The following ANK1 variants were observed in gnomAD, a reference collection of about 807,000 sequenced individuals.
ANK1 encodes the protein ankyrin 1.
Under a neutral mutation model 210.4 loss-of-function variants are expected in ANK1, and 51 were observed. The observed-to-expected ratio is 0.24, with a 90% confidence interval of 0.19 to 0.31. The LOEUF (loss-of-function observed/expected upper bound fraction) is 0.31. Among genes scored for constraint, ANK1 ranks in the 10% least tolerant of loss-of-function variants. ANK1 has a pLI of 1.00. For synonymous variants in ANK1, 967 were observed against 1,025.9 expected, an observed-to-expected ratio of 0.94 and a Z score of 1.10; for missense variants, 2,051 against 2,504.4, an observed-to-expected ratio of 0.82 and a Z score of 3.86.
In ANK1 at chr8:41,672,207, T is replaced by C. The variant is rs563588688; in HGVS notation, c.5096+147A>G. On this transcript the variant is annotated intron_variant, in intron 38 of 42. Coordinates refer to ENST00000289734, the MANE Select transcript of ANK1 (RefSeq NM_000037.4). ...GGCACCTATGCTCTTATATATGGCA[T>C]CTGCCAGACTGAATGTATGTGCTCC... is the stretch of plus-strand genomic sequence containing the variant. 3.2e-5 allele frequency: 28 copies of C among 865,796 alleles called. No homozygotes were observed. In the South Asian group the frequency reaches 4.9e-4, roughly 15 times the overall value. 53.6% of individuals were successfully genotyped at this position (865,796 alleles called of 1,614,324 possible).
chr8:41,805,064 C>CTG (rs35873178), intron 1 of ANK1, among the ~76,000 whole-genome samples: 61,284 of 147,890 alleles, frequency 0.41, 12,766 homozygotes, highest in African/African-American at 0.47. Flanking sequence ...TTCTTTCTCT[C>CTG]TGTGTGTGTG....
intron 1 of ANK1, among the ~76,000 whole-genome samples, chr8:41,816,804 G>A (rs1384864248): frequency 6.6e-6 from 1 of 152,164 alleles, no homozygotes; most frequent in Admixed American, 6.5e-5. Flanking sequence ...CTCTTTTTCT[G>A]AGAGAACAAT....
At position 41,725,355 on chromosome 8, in the gene ANK1, C is replaced by T. The variant is rs900134891; in HGVS notation, c.612+406G>A. On this transcript the variant is annotated intron_variant, in intron 6 of 42. Coordinates refer to ENST00000289734, the MANE Select transcript of ANK1 (RefSeq NM_000037.4). ...ACACCGGAGAGCGTGCCCAGGTGCA[C>T]GCAGGCGTGCAAGGTCCCGGACCCC... Among the ~76,000 whole-genome samples, 14 of 152,334 alleles carry T rather than the reference C, an allele frequency of 9.2e-5. No homozygotes were observed. In the South Asian group the frequency reaches 2.5e-3, roughly 27 times the overall value.
At chr8:41,768,801 A>T (rs1586822843) in intron 1 of ANK1, among the ~76,000 whole-genome samples, 1 of 802 alleles carries the variant, frequency 1.2e-3, no homozygotes, top group Non-Finnish European at 6.2e-3. Context: ...CTGTCTCCAC[A>T]AAAAAAAAAA....
chr8:41,732,443 G>C (rs1832399397), intron 3 of ANK1, among the ~76,000 whole-genome samples: 1 of 152,126 alleles, frequency 6.6e-6, no homozygotes, highest in Non-Finnish European at 1.5e-5. Flanking sequence ...GAGGGAGTCT[G>C]TCTCTGTCAC....
intron 42 of ANK1, among the ~76,000 whole-genome samples, chr8:41,658,434 G>T (rs950073823): frequency 3.3e-5 from 5 of 152,300 alleles, no homozygotes; most frequent in Non-Finnish European, 7.4e-5. Context: ...ATTCGAAAGG[G>T]ACATTTTCAT....
At chr8:41,804,986 A>G (rs890223883) in intron 1 of ANK1, among the ~76,000 whole-genome samples, 1 of 152,016 alleles carries the variant, frequency 6.6e-6, no homozygotes, top group Non-Finnish European at 1.5e-5. Flanking sequence ...GTTGAATGGA[A>G]CTCAAACTTT....
At chr8:41,663,542 G>T in intron 40 of ANK1, 117 bp downstream of exon 40, 2 of 1,041,170 alleles carry the variant, frequency 1.9e-6, no homozygotes, top group Non-Finnish European at 3.0e-6. Context: ...GGGGCAGCCA[G>T]CCTGGCTGTG....
In ANK1 at chr8:41,727,230, C is replaced by T. The variant is rs1337436041; in HGVS notation, c.426+20G>A. The T allele has an allele frequency of 6.2e-7, 1 of 1,604,430 alleles. No homozygotes were observed. The highest frequency in any genetic ancestry group is 1.3e-5 in the African/African-American group (1 of 74,694). ...CCTGGGAGACTTCTGGTGGTGACGA[C>T]ATTTTTCCAAGGTACTTACTTCTGT... On this transcript the variant is annotated intron_variant, in intron 5 of 42. Coordinates refer to ENST00000289734, the MANE Select transcript of ANK1 (RefSeq NM_000037.4).
chr8:41,894,455 T>C (rs150960654), intron 1 of ANK1, among the ~76,000 whole-genome samples: 3 of 152,270 alleles, frequency 2.0e-5, no homozygotes, highest in Non-Finnish European at 4.4e-5. Flanking sequence ...AAAAAGAATA[T>C]TGAAATCACC....
chr8:41,756,184 C>T (rs1202649481), intron 2 of ANK1, among the ~76,000 whole-genome samples: 1 of 152,014 alleles, frequency 6.6e-6, no homozygotes, highest in Non-Finnish European at 1.5e-5. Context: ...ACTCTGTTGC[C>T]CAGGCTGGAG....
chr8:41,836,776 C>T (rs1807812109), intron 1 of ANK1, among the ~76,000 whole-genome samples: 1 of 151,996 alleles, frequency 6.6e-6, no homozygotes, highest in Non-Finnish European at 1.5e-5. Context: ...TTTAATTAGC[C>T]AGGCATAGTG....
In ANK1 at chr8:41,835,498, G is replaced by A. The variant is rs190267419; in HGVS notation, c.126+60857C>T. On this transcript the variant is annotated intron_variant, in intron 1 of 42. Transcript: ENST00000265709. ...TTAAATTAAAAAAAAAAGCTAGCAG[G>A]CGTATATTCTGCAAAGACCTTCGGG... Among the ~76,000 whole-genome samples the A allele has an allele frequency of 6.6e-5, 10 of 152,122 alleles. No individual in the cohort carries two copies. In the East Asian group the frequency reaches 1.7e-3, roughly 26 times the overall value.
At chr8:41,795,928 C>T (rs1033218744) in intron 1 of ANK1, among the ~76,000 whole-genome samples, 6 of 152,228 alleles carry the variant, frequency 3.9e-5, no homozygotes, top group East Asian at 1.9e-4. Flanking sequence ...GATACCAACA[C>T]GTAAAAATGA....
chr8:41,782,321 G>T (rs889046507), intron 1 of ANK1, among the ~76,000 whole-genome samples: 2 of 152,212 alleles, frequency 1.3e-5, no homozygotes, highest in African/African-American at 4.8e-5. Flanking sequence ...CCACCGTGTT[G>T]GGGGAGGCTT....
chr8:41,839,871 G>C (rs1421460738), intron 1 of ANK1, among the ~76,000 whole-genome samples: 3 of 152,172 alleles, frequency 2.0e-5, no homozygotes, highest in Non-Finnish European at 4.4e-5. Flanking sequence ...ATAATGTATG[G>C]ACGTCTAGTT....
chr8:41,722,070 T>C (rs1013839732), intron 9 of ANK1, among the ~76,000 whole-genome samples: 5 of 152,236 alleles, frequency 3.3e-5, no homozygotes, highest in Non-Finnish European at 7.3e-5. Context: ...TAGATAGCTT[T>C]TGAAGACATT....
Position 41,664,899 on chromosome 8 carries a change from T to A in ANK1, c.5395-1157A>T, listed in dbSNP as rs1204104038. 6.2e-7 allele frequency: 1 copy of A among 1,614,084 alleles called. No homozygotes were observed. Among genetic ancestry groups the A allele is most frequent in the Non-Finnish European group, 8.5e-7 (1 of 1,180,044 alleles). On this transcript the variant is annotated intron_variant, in intron 39 of 42. Transcript: ENST00000289734. ...CTCCCCCAGCTCCTTGTCCAGCTCC[T>A]GGTGGATGTGCTTTAGCACAAAGCA...
At chr8:41,802,784 T>G (rs951593170) in intron 1 of ANK1, among the ~76,000 whole-genome samples, 3 of 151,390 alleles carry the variant, frequency 2.0e-5, no homozygotes, top group African/African-American at 7.3e-5. Flanking sequence ...GTGGCTTGCA[T>G]CTGTAGTCCC....
Sources: gnomAD v4.1 joint callset for allele counts (sites outside exome capture counted in the v4.1 genomes callset) on GRCh38, gnomAD v4.1.1 for gene constraint, MANE v1.5 for transcripts, NCBI Gene and HGNC (gene_info 2026-07-23, HGNC 2026-07-21) for gene names.